The following ARHGAP25 variants were observed in gnomAD, a reference collection of about 807,000 sequenced individuals.
ARHGAP25 encodes the protein Rho GTPase activating protein 25, also known as rho GTPase-activating protein 25.
In ARHGAP25, 34 loss-of-function variants were observed where a neutral mutation model predicts 71.0. The ratio of observed to expected loss-of-function variants is 0.48; its 90% CI spans 0.36 to 0.64. The LOEUF (loss-of-function observed/expected upper bound fraction) is 0.64. Ranked by LOEUF, ARHGAP25 falls within the 30% of genes least tolerant of loss-of-function variation. The pLI is 0.00. For missense variants in ARHGAP25, 706 were observed against 805.1 expected, an observed-to-expected ratio of 0.88 and a Z score of 1.49; for synonymous variants, 282 against 296.5, an observed-to-expected ratio of 0.95 and a Z score of 0.50.
At chr2:68,824,720 C>G (rs574966246) in intron 10 of ARHGAP25, among the ~76,000 whole-genome samples, 15 of 151,122 alleles carry the variant, frequency 9.9e-5, no homozygotes, top group African/African-American at 3.4e-4. Flanking sequence ...CCAGCCTGGG[C>G]AACAGAGCGA....
chr2:68,775,828 TAAAC>T (rs1677856343), intron 2 of ARHGAP25: 1 of 377,876 alleles, frequency 2.6e-6, no homozygotes, highest in African/African-American at 2.1e-5. Context: ...GTACTTGAAA[TAAAC>T]TATGAGCAAA....
chr2:68,714,042 A>G (rs1395807284), intron 2 of ARHGAP25, among the ~76,000 whole-genome samples: 1 of 152,172 alleles, frequency 6.6e-6, no homozygotes, highest in Non-Finnish European at 1.5e-5. Context: ...ATTGTTTGAA[A>G]TAGTTTCAGA....
intron 6 of ARHGAP25, among the ~76,000 whole-genome samples, chr2:68,815,438 ACT>A (rs1573621308): frequency 2.8e-5 from 3 of 107,808 alleles, no homozygotes; most frequent in Admixed American, 2.4e-4. Context: ...TGAATTGTGT[ACT>A]CTCTTTTTTT....
chr2:68,826,265 T>C lies in ARHGAP25; in HGVS notation c.*71T>C. On this transcript the variant is annotated 3_prime_UTR_variant, in exon 11 of 11. Coordinates refer to ENST00000409202, the MANE Select transcript of ARHGAP25 (RefSeq NM_001007231.3). Reference sequence around the variant, plus strand: ...TGGCCCCTTTCTCAGTGCTATCTGATGACGGGGAAACAAAATTATTCTCTG... The same window carrying C: ...TGGCCCCTTTCTCAGTGCTATCTGACGACGGGGAAACAAAATTATTCTCTG... The C allele has an allele frequency of 7.1e-7, 1 of 1,399,990 alleles. No individual in the cohort carries two copies. The highest frequency in any genetic ancestry group is 1.4e-5 in the African/African-American group (1 of 70,698). 86.7% of individuals were successfully genotyped at this position (1,399,990 alleles called of 1,614,324 possible). A position where few individuals can be genotyped will look rare whatever the true frequency, so the allele number is the denominator to read the frequency against.
intron 10 of ARHGAP25, among the ~76,000 whole-genome samples, chr2:68,823,274 G>A (rs1417806731): frequency 6.6e-6 from 1 of 151,064 alleles, no homozygotes; most frequent in African/African-American, 2.4e-5. Flanking sequence ...GAACAAAAGA[G>A]ACAAAAGTCC....
At chr2:68,717,706 C>G (rs1285780025) in intron 2 of ARHGAP25, among the ~76,000 whole-genome samples, 1 of 152,118 alleles carries the variant, frequency 6.6e-6, no homozygotes, top group Non-Finnish European at 1.5e-5. Context: ...TAAACACTAT[C>G]CATAAAGCAA....
At chr2:68,819,028 G>T in intron 8 of ARHGAP25, 95 bp from the exon 9 acceptor site, 1 of 1,144,824 alleles carries the variant, frequency 8.7e-7, no homozygotes, top group South Asian at 1.8e-5. Flanking sequence ...TATAGTTTTA[G>T]AACCGAGTTT....
intron 5 of ARHGAP25, among the ~76,000 whole-genome samples, chr2:68,809,220 C>T (rs760044560): frequency 6.6e-6 from 1 of 152,144 alleles, no homozygotes; most frequent in Non-Finnish European, 1.5e-5. Context: ...CTCTCCACCC[C>T]CTTTTATACT....
Position 68,824,555 on chromosome 2 carries a change from A to T in ARHGAP25, c.1734-1432A>T, listed in dbSNP as rs367646764. Among the ~76,000 whole-genome samples the T allele has an allele frequency of 1.7e-3, 264 of 152,328 alleles. 2 individuals are homozygous for T. The highest frequency in any genetic ancestry group is 6.1e-3 in the African/African-American group (254 of 41,590). On this transcript the variant is annotated intron_variant, in intron 10 of 10. Coordinates refer to ENST00000409202, the MANE Select transcript of ARHGAP25 (RefSeq NM_001007231.3). ...CAGGAGATCGAGACCATCCTGGCTA[A>T]CACGGTGAAACCATGTCTCTCCTAA...
intron 1 of ARHGAP25, among the ~76,000 whole-genome samples, chr2:68,741,297 T>A (rs1373867062): frequency 1.3e-5 from 2 of 152,198 alleles, no homozygotes; most frequent in Non-Finnish European, 2.9e-5. Flanking sequence ...GCCAGCAACT[T>A]CTATGTATAA....
At chr2:68,766,091 C>G (rs935012227) in intron 1 of ARHGAP25, among the ~76,000 whole-genome samples, 2 of 152,198 alleles carry the variant, frequency 1.3e-5, no homozygotes, top group Admixed American at 6.5e-5. Context: ...TTTATGAATG[C>G]TAGTGACTAG....
chr2:68,779,935 G>T (rs1678201450), intron 2 of ARHGAP25, among the ~76,000 whole-genome samples: 1 of 152,234 alleles, frequency 6.6e-6, no homozygotes, highest in Non-Finnish European at 1.5e-5. Flanking sequence ...TTACACCTTG[G>T]TGTGAACATG....
At chr2:68,765,789 G>A (rs1003835146) in intron 1 of ARHGAP25, among the ~76,000 whole-genome samples, 15 of 152,224 alleles carry the variant, frequency 9.9e-5, no homozygotes, top group South Asian at 4.1e-4. Context: ...ATTATGACTC[G>A]TTTCCTGGGC....
At chr2:68,716,258 T>C (rs770208106) in intron 2 of ARHGAP25, among the ~76,000 whole-genome samples, 2 of 152,226 alleles carry the variant, frequency 1.3e-5, no homozygotes, top group Non-Finnish European at 2.9e-5. Context: ...GATTGTTTCA[T>C]TGTTTGCTTT....
intron 1 of ARHGAP25, among the ~76,000 whole-genome samples, chr2:68,761,026 A>G (rs1228825226): frequency 1.3e-5 from 2 of 152,050 alleles, no homozygotes; most frequent in African/African-American, 4.8e-5. Flanking sequence ...ATGGAATAGA[A>G]TAGATTGTCT....
chr2:68,790,668 C>T lies in ARHGAP25; in HGVS notation c.466+2712C>T, dbSNP rs75356317. ...CTTCCCACCACCTTCACTACTACCACCCCAAAGGAGATGGAATCCTTTCTT... is the reference window on the plus strand; with the variant it reads ...CTTCCCACCACCTTCACTACTACCATCCCAAAGGAGATGGAATCCTTTCTT... On this transcript the variant is annotated intron_variant, in intron 4 of 10. Coordinates refer to ENST00000409202, the MANE Select transcript of ARHGAP25 (RefSeq NM_001007231.3). 8.0e-3 allele frequency among the ~76,000 whole-genome samples: 1,219 copies of T among 152,286 alleles called. 13 individuals are homozygous for T. The highest frequency in any genetic ancestry group is 0.011 in the Non-Finnish European group (720 of 68,006).
chr2:68,752,436 C>T (rs1171163696), intron 1 of ARHGAP25, among the ~76,000 whole-genome samples: 3 of 152,150 alleles, frequency 2.0e-5, no homozygotes, highest in Non-Finnish European at 4.4e-5. Context: ...TCCAGAAGAG[C>T]AGTGGCATTA....
At chr2:68,781,449 C>T (rs1050253651) in intron 2 of ARHGAP25, among the ~76,000 whole-genome samples, 1 of 152,202 alleles carries the variant, frequency 6.6e-6, no homozygotes, top group Non-Finnish European at 1.5e-5. Context: ...AAGCACCATG[C>T]ACACACATGG....
At chr2:68,730,526 T>A (rs545872804), upstream of ARHGAP25, among the ~76,000 whole-genome samples, 1 of 152,038 alleles carries the variant, frequency 6.6e-6, no homozygotes, top group South Asian at 2.1e-4. Flanking sequence ...AGTGAAAGCT[T>A]GCAGTCCCAC....
Sources: gnomAD v4.1 joint callset for allele counts (sites outside exome capture counted in the v4.1 genomes callset) on GRCh38, gnomAD v4.1.1 for gene constraint, MANE v1.5 for transcripts, NCBI Gene and HGNC (gene_info 2026-07-23, HGNC 2026-07-21) for gene names.